TTC16: variants seen among roughly 807,000 people sequenced by gnomAD.
TTC16 encodes the protein tetratricopeptide repeat domain 16, also known as tetratricopeptide repeat protein 16.
TTC16 carries 66 observed loss-of-function variants against 80.4 expected under a neutral mutation model. The observed-to-expected ratio is 0.82, with a 90% CI of 0.67 to 1.01. TTC16 has a LOEUF of 1.01. Ranked by LOEUF, TTC16 falls within the 50% of genes least tolerant of loss-of-function variation. The probability of loss-of-function intolerance (pLI) is 0.00; values close to 1 mark genes in which losing one functional copy is unlikely to be tolerated. For synonymous variants in TTC16, 438 were observed against 451.3 expected, an observed-to-expected ratio of 0.97 and a Z score of 0.37; for missense variants, 1,070 against 1,103.2, an observed-to-expected ratio of 0.97 and a Z score of 0.43.
At position 127,722,532 on chromosome 9, in the gene TTC16, C is replaced by A. The variant is rs988105233; in HGVS notation, c.658-587C>A. Among the ~76,000 whole-genome samples the A allele has an allele frequency of 3.3e-5, 5 of 152,132 alleles. No homozygotes were observed. Among genetic ancestry groups the A allele is most frequent in the Non-Finnish European group, 7.3e-5 (5 of 68,030 alleles). ...GCACCTTGAGTGGGCTTCACAGAGG[C>A]CTGACAAGGAGGTAGCATCTGCAGA... On this transcript the variant is annotated intron_variant, in intron 6 of 13. Transcript: ENST00000373289. This position sits in a 1 kb window ranked among gnomAD's most constrained non-coding sequence, Gnocchi z 4.2.
At chr9:127,716,790 G>C in intron 1 of TTC16, 54 bp from the exon 2 acceptor site, 8 of 1,564,036 alleles carry the variant, frequency 5.1e-6, no homozygotes, top group Non-Finnish European at 6.9e-6. Context: ...GAGTGTGTCA[G>C]TGGGTGGGGG....
In TTC16 at chr9:127,730,727, G is replaced by A. The variant is rs745706393; in HGVS notation, c.1944G>A (p.Ser648=). The change falls in exon 14 of 14, where the codon TCG becomes TCA. Residue 648 remains serine (S), a synonymous_variant. Coordinates refer to ENST00000373289, the MANE Select transcript of TTC16 (RefSeq NM_144965.3). ...CCACCGCCGTGACATTCTCTGACTCGTCACTGTTGAAGACGCAATCCTCGG... is the reference window on the plus strand; with the variant it reads ...CCACCGCCGTGACATTCTCTGACTCATCACTGTTGAAGACGCAATCCTCGG... The part of the protein sequence containing the change: ...TSATAVTFSD[S]SLLKTQSSDS... 1.6e-5 allele frequency: 26 copies of A among 1,613,456 alleles called. No individual in the cohort carries two copies. The highest frequency in any genetic ancestry group is 3.3e-5 in the South Asian group (3 of 91,086).
At chr9:127,716,421 A>G in intron 1 of TTC16, 3 of 597,032 alleles carry the variant, frequency 5.0e-6, no homozygotes, top group Non-Finnish European at 8.9e-6. Context: ...GGCAGAAGTC[A>G]GGTGAGGTGC....
chr9:127,723,978 C>G (rs1286135559), intron 7 of TTC16, 142 bp from the exon 8 acceptor site: 8 of 1,207,664 alleles, frequency 6.6e-6, no homozygotes, highest in Non-Finnish European at 7.8e-6. Context: ...CGGGACAAAC[C>G]TAGCAAATGA....
intron 12 of TTC16, 101 bp from the exon 13 acceptor site, chr9:127,729,480 A>T: frequency 1.1e-6 from 1 of 945,990 alleles, no homozygotes; most frequent in Non-Finnish European, 1.7e-6. Context: ...CTCCAAGCTC[A>T]GGAGAATGAC....
At chr9:127,723,923 C>T (rs1386163625) in intron 7 of TTC16, among the ~76,000 whole-genome samples, 197 bp from the exon 8 acceptor site, 1 of 149,066 alleles carries the variant, frequency 6.7e-6, no homozygotes, top group Non-Finnish European at 1.5e-5. Context: ...AAAAAATGCT[C>T]AGTGCCTAGT....
rs1377652760 is a variant in TTC16, at chr9:127,730,890, CA to C, written c.2108del (p.His703ProfsTer139). ...RNSSKTKATI[H>X]KRNSSKTKAT... ...CTCCAGCAAGACCAAGGCCACTATACACAAGAGGAACTCCAGCAAGACCAAG... is the reference window on the plus strand; with the variant it reads ...CTCCAGCAAGACCAAGGCCACTATACCAAGAGGAACTCCAGCAAGACCAAG... On this transcript the variant is annotated frameshift_variant, in exon 14 of 14. Coordinates refer to ENST00000373289, the MANE Select transcript of TTC16 (RefSeq NM_144965.3). LOFTEE classifies it low-confidence loss of function (END_TRUNC). 6.2e-7 allele frequency: 1 copy of C among 1,611,206 alleles called. No homozygotes were observed. The highest frequency in any genetic ancestry group is 1.4e-5 in the African/African-American group (1 of 73,856).
chr9:127,716,483 G>A, intron 1 of TTC16: 1 of 544,348 alleles, frequency 1.8e-6, no homozygotes. Flanking sequence ...AGGGACTGTA[G>A]GACCCCCAAG....
intron 13 of TTC16, chr9:127,730,416 T>C (rs1844315997): frequency 1.6e-6 from 1 of 625,520 alleles, no homozygotes; most frequent in Non-Finnish European, 2.7e-6. Flanking sequence ...GGCCTGGGAC[T>C]GGGAGAAGGG....
At position 127,716,171 on chromosome 9, in the gene TTC16, C is replaced by T. The variant is rs534148003; in HGVS notation, c.18+8C>T. 6.2e-7 allele frequency: 1 copy of T among 1,613,922 alleles called. No homozygotes were observed. Among genetic ancestry groups the T allele is most frequent in the South Asian group, 1.1e-5 (1 of 91,084 alleles). On this transcript the variant is annotated splice_region_variant and intron_variant, in intron 1 of 13. Coordinates refer to ENST00000373289, the MANE Select transcript of TTC16 (RefSeq NM_144965.3). ...ATGACAGATTCGGACGAGGTGCGGGCTTGGGAGAAGACTAACGCAAAGGCA... is the reference window on the plus strand; with the variant it reads ...ATGACAGATTCGGACGAGGTGCGGGTTTGGGAGAAGACTAACGCAAAGGCA...
Position 127,731,131 on chromosome 9 carries a change from G to A in TTC16, c.2348G>A (p.Trp783Ter), listed in dbSNP as rs1183119535. 1.9e-6 allele frequency: 3 copies of A among 1,611,474 alleles called. No homozygotes were observed. Among genetic ancestry groups the A allele is most frequent in the Admixed American group, 3.3e-5 (2 of 59,778 alleles). ...RKVKAARGRS[W>*]RPSKVDATQG... ...GTCAAGGCTGCTCGTGGCCGGAGCT[G>A]GAGACCCAGCAAGGTTGATGCCACC... The change falls in exon 14 of 14, where the codon TGG becomes TAG. Residue 783 changes from tryptophan (W) to a stop codon, truncating the protein, a stop_gained. Coordinates refer to ENST00000373289, the MANE Select transcript of TTC16 (RefSeq NM_144965.3). LOFTEE classifies it low-confidence loss of function (END_TRUNC).
intron 8 of TTC16, 70 bp from the exon 9 acceptor site, chr9:127,724,686 G>C (rs1843776684): frequency 1.3e-6 from 2 of 1,554,646 alleles, no homozygotes; most frequent in Non-Finnish European, 8.7e-7. Flanking sequence ...CCCCGGGCTG[G>C]AGCCGGCTGG....
At position 127,724,107 on chromosome 9, in the gene TTC16, C is replaced by CT. The variant is rs774942883; in HGVS notation, c.873-13_873-12insT. 8 of 1,443,354 alleles carry CT rather than the reference C, an allele frequency of 5.5e-6. No homozygotes were observed. Among genetic ancestry groups the CT allele is most frequent in the South Asian group, 1.2e-5 (1 of 83,084 alleles). The allele number at this position is 1,443,354 out of a possible 1,614,324, so 89.4% of individuals were successfully genotyped here. ...CATGTCCCTCCTGCCGTCTCCCACG[C>CT]CCCCCCCGACAGGGGCACCATGTAC... On this transcript the variant is annotated splice_polypyrimidine_tract_variant and intron_variant, in intron 7 of 13. Transcript: ENST00000373289.
intron 9 of TTC16, 86 bp downstream of exon 9, chr9:127,724,983 A>G (rs958859610): frequency 3.7e-5 from 52 of 1,402,638 alleles, no homozygotes; most frequent in Non-Finnish European, 4.7e-5. Flanking sequence ...CCCTGGGTCA[A>G]TCAAGCTGCT....
Position 127,716,859 on chromosome 9 carries a change from G to T in TTC16, c.34G>T (p.Asp12Tyr). 1 of 1,612,818 alleles carries T rather than the reference G, an allele frequency of 6.2e-7. No homozygotes were observed. Among genetic ancestry groups the T allele is most frequent in the South Asian group, 1.1e-5 (1 of 91,034 alleles). ...TDSDEDALKV[D>Y]QGPSRDIPKP... The stretch of plus-strand genomic sequence containing the variant: ...TCGGTTCTAGGATGCCCTGAAGGTT[G>T]ACCAGGGCCCCTCACGGGACATCCC... The change falls in exon 2 of 14, where the codon GAC becomes TAC. Residue 12 changes from aspartate (D) to tyrosine (Y), a missense_variant. Transcript: ENST00000373289.
intron 4 of TTC16, among the ~76,000 whole-genome samples, chr9:127,719,822 C>A (rs1407137419): frequency 6.6e-6 from 1 of 152,190 alleles, no homozygotes; most frequent in Non-Finnish European, 1.5e-5. Context: ...TTCTACATTT[C>A]TCTTTGTTCC....
Position 127,727,271 on chromosome 9 carries a change from A to G in TTC16, c.1570A>G (p.Met524Val). 1 of 1,556,226 alleles carries G rather than the reference A, an allele frequency of 6.4e-7. No homozygotes were observed. The highest frequency in any genetic ancestry group is 8.7e-7 in the Non-Finnish European group (1 of 1,148,548). The change falls in exon 12 of 14, where the codon ATG becomes GTG. Residue 524 changes from methionine (M) to valine (V), a missense_variant and splice_region_variant. Transcript: ENST00000373289. ...TACCTGGGGGGTATCGTTTGGCAGGATGCTTAAACGGCACGAGTTGGAGCG... is the reference window on the plus strand; with the variant it reads ...TACCTGGGGGGTATCGTTTGGCAGGGTGCTTAAACGGCACGAGTTGGAGCG... Reference protein sequence around the residue: ...QAGSPQGIVGMLKRHELERQK... With the variant: ...QAGSPQGIVGVLKRHELERQK...
At position 127,723,141 on chromosome 9, in the gene TTC16, T is replaced by A; in HGVS notation, c.680T>A (p.Leu227Gln). The change falls in exon 7 of 14, where the codon CTG (leucine) becomes CAG (glutamine). Residue 227 changes from leucine (L) to glutamine (Q), a missense_variant. Physicochemically the swap from Leu to Gln is moderately radical, Grantham distance 113. Coordinates refer to ENST00000373289, the MANE Select transcript of TTC16 (RefSeq NM_144965.3). ...CAGCCCCACCTCTGCTACCGGGACC[T>A]GCACAGCGCCTTGCTGTTGAATCCC... ...LQKPHLCYRD[L>Q]HSALLLNPKH... 6.2e-7 allele frequency: 1 copy of A among 1,612,254 alleles called. No homozygotes were observed. Among genetic ancestry groups the A allele is most frequent in the Non-Finnish European group, 8.5e-7 (1 of 1,179,980 alleles).
chr9:127,720,116 C>G lies in TTC16; in HGVS notation c.465C>G (p.Ala155=). 6.2e-7 allele frequency: 1 copy of G among 1,613,910 alleles called. No homozygotes were observed. The highest frequency in any genetic ancestry group is 8.5e-7 in the Non-Finnish European group (1 of 1,180,008). The change falls in exon 5 of 14, where the codon GCC becomes GCG. Residue 155 remains alanine (A), a synonymous_variant. Transcript: ENST00000373289. ...CLFEQCAFLD[A]LNVFSHAAEL... ...TTGAGCAGTGTGCCTTCCTGGATGC[C>G]CTGAATGTCTTCTCACATGCTGCTG...
Sources: gnomAD v4.1 joint callset for allele counts (sites outside exome capture counted in the v4.1 genomes callset) on GRCh38, gnomAD v4.1.1 for gene constraint, Gnocchi (gnomAD v3.1) non-coding constraint, MANE v1.5 for transcripts, NCBI Gene and HGNC (gene_info 2026-07-23, HGNC 2026-07-21) for gene names.